The following TEX9 variants were observed in gnomAD, a reference collection of about 807,000 sequenced individuals.
TEX9 encodes the protein testis-expressed protein 9.
A neutral mutation model predicts 59.6 loss-of-function variants in TEX9; 74 were observed. That is an observed-to-expected ratio of 1.24 (90% CI 1.03 to 1.51). TEX9 has a LOEUF of 1.51. Ranked by LOEUF, TEX9 falls within the 40% of genes most tolerant of loss-of-function variation. The pLI, the probability that TEX9 is intolerant of heterozygous loss-of-function variation, is 0.00. For missense variants in TEX9, 522 were observed against 447.8 expected (o/e 1.17, Z -1.49); for synonymous variants, 186 against 152.2 (o/e 1.22, Z -1.64).
intron 1 of TEX9, among the ~76,000 whole-genome samples, chr15:56,331,488 A>G (rs2046142146): frequency 6.6e-6 from 1 of 152,202 alleles, no homozygotes; most frequent in South Asian, 2.1e-4. Context: ...TCAGAAATCA[A>G]TAAGAGGAAG....
chr15:56,430,886 T>C (rs1354103535), intron 12 of TEX9, among the ~76,000 whole-genome samples: 1 of 152,156 alleles, frequency 6.6e-6, no homozygotes, highest in Non-Finnish European at 1.5e-5. Flanking sequence ...AAATACAAAC[T>C]CAGGCCAGGT....
the TEX9 span, among the ~76,000 whole-genome samples, chr15:56,459,803 C>T: frequency 6.7e-6 from 1 of 150,268 alleles, no homozygotes; most frequent in Non-Finnish European, 1.5e-5. Flanking sequence ...CGAGCCTGAC[C>T]AACGTGGAGA....
intron 1 of TEX9, among the ~76,000 whole-genome samples, chr15:56,244,851 C>G (rs1278542802): frequency 1.3e-5 from 2 of 149,732 alleles, no homozygotes; most frequent in Non-Finnish European, 3.0e-5. Flanking sequence ...TAAATGATAG[C>G]TTTGCCACAA....
At chr15:56,254,331 GA>G (rs1456402208) in intron 1 of TEX9, among the ~76,000 whole-genome samples, 1 of 151,936 alleles carries the variant, frequency 6.6e-6, no homozygotes, top group Non-Finnish European at 1.5e-5. Context: ...CTATGAATAG[GA>G]CATCCTAGGG....
At chr15:56,436,148 T>C (rs55690618) in intron 12 of TEX9, among the ~76,000 whole-genome samples, 3,040 of 152,258 alleles carry the variant, frequency 0.02, 111 homozygotes, top group African/African-American at 0.07. Flanking sequence ...ATCAACAGAA[T>C]ATACATTCTT....
intron 3 of TEX9, 31 bp from the exon 4 acceptor site, chr15:56,383,921 A>T: frequency 6.5e-7 from 1 of 1,533,848 alleles, no homozygotes. Context: ...TTTTTTCTAT[A>T]TGATATATTA....
At chr15:56,444,439 C>T (rs764488201) in intron 12 of TEX9, 2 of 1,601,084 alleles carry the variant, frequency 1.2e-6, no homozygotes, top group Admixed American at 3.4e-5. Context: ...TTAGGATAAA[C>T]TTACAACTGA....
intron 1 of TEX9, among the ~76,000 whole-genome samples, chr15:56,284,022 T>C (rs1400257735): frequency 6.6e-6 from 1 of 152,252 alleles, no homozygotes; most frequent in Non-Finnish European, 1.5e-5. Flanking sequence ...GATAGTGCAA[T>C]GTCTAATATT....
At chr15:56,443,865 AT>A in intron 12 of TEX9, 3 of 1,575,728 alleles carry the variant, frequency 1.9e-6, no homozygotes, top group Non-Finnish European at 1.7e-6. Flanking sequence ...CTGAAAAGCA[AT>A]AACAAGTACA....
At chr15:56,453,446 C>G in the TEX9 span, among the ~76,000 whole-genome samples, 2 of 152,042 alleles carry the variant, frequency 1.3e-5, no homozygotes, top group Admixed American at 6.5e-5. Context: ...GAATTAACAG[C>G]TTGATTATCA....
intron 12 of TEX9, among the ~76,000 whole-genome samples, chr15:56,439,576 A>G (rs2050784423): frequency 6.6e-6 from 1 of 152,158 alleles, no homozygotes; most frequent in South Asian, 2.1e-4. Flanking sequence ...AAACATGCCA[A>G]CTGTGTTTTA....
intron 1 of TEX9, among the ~76,000 whole-genome samples, chr15:56,274,257 G>C (rs1458513111): frequency 6.6e-6 from 1 of 151,800 alleles, no homozygotes; most frequent in African/African-American, 2.4e-5. Flanking sequence ...TTGATGTTTT[G>C]AGTGCATTGA....
At chr15:56,328,477 C>G (rs2046073031) in intron 1 of TEX9, among the ~76,000 whole-genome samples, 1 of 152,136 alleles carries the variant, frequency 6.6e-6, no homozygotes, top group African/African-American at 2.4e-5. Flanking sequence ...CAAGCAGGCT[C>G]TTGGGGTCCC....
At chr15:56,320,044 C>G (rs1275991018) in intron 1 of TEX9, among the ~76,000 whole-genome samples, 1 of 152,194 alleles carries the variant, frequency 6.6e-6, no homozygotes, top group East Asian at 1.9e-4. Context: ...TTGTAATTAA[C>G]TAGTCTCCCC....
chr15:56,333,554 C>G (rs2046200877), intron 1 of TEX9, among the ~76,000 whole-genome samples: 2 of 150,154 alleles, frequency 1.3e-5, no homozygotes, highest in Non-Finnish European at 3.0e-5. Flanking sequence ...ATGACAGAAC[C>G]ATAGATAGTA....
upstream of TEX9, among the ~76,000 whole-genome samples, chr15:56,364,151 CTTTT>C (rs1220052286): frequency 6.7e-6 from 1 of 149,774 alleles, no homozygotes; most frequent in Non-Finnish European, 1.5e-5. Flanking sequence ...TTTTTTTTTC[CTTTT>C]TTTTGTTTTT....
At chr15:56,290,244 A>T (rs1445203052) in intron 1 of TEX9, among the ~76,000 whole-genome samples, 2 of 151,840 alleles carry the variant, frequency 1.3e-5, no homozygotes, top group African/African-American at 4.8e-5. Flanking sequence ...AGGGTCATGC[A>T]CTCACATCTC....
chr15:56,317,900 AAC>A (rs1364213844), intron 1 of TEX9, among the ~76,000 whole-genome samples: 1 of 152,178 alleles, frequency 6.6e-6, no homozygotes, highest in East Asian at 1.9e-4. Context: ...TTTATGGCCT[AAC>A]ATATGATCTT....
At chr15:56,405,239 G>C (rs1236693469) in intron 9 of TEX9, among the ~76,000 whole-genome samples, 1 of 151,730 alleles carries the variant, frequency 6.6e-6, no homozygotes, top group Admixed American at 6.6e-5. Context: ...AAACCGGGAG[G>C]GAGCTTGCGG....
Sources: gnomAD v4.1 joint callset for allele counts (sites outside exome capture counted in the v4.1 genomes callset) on GRCh38, gnomAD v4.1.1 for gene constraint, MANE v1.5 for transcripts, NCBI Gene and HGNC (gene_info 2026-07-23, HGNC 2026-07-21) for gene names.